The following KATNB1 variants were observed in gnomAD, a reference collection of about 807,000 sequenced individuals.
KATNB1 encodes the protein katanin p80 WD40 repeat-containing subunit B1.
A neutral mutation model predicts 82.3 loss-of-function variants in KATNB1; 38 were observed. That is an observed-to-expected ratio of 0.46 (90% CI 0.36 to 0.61). The LOEUF (loss-of-function observed/expected upper bound fraction) is 0.61, where lower values mean the gene tolerates loss of function less well. Ranked by LOEUF, KATNB1 falls within the 20% of genes least tolerant of loss-of-function variation. The pLI is 0.00. For missense variants in KATNB1, 749 were observed against 915.7 expected, an observed-to-expected ratio of 0.82 and a Z score of 2.35; for synonymous variants, 361 against 368.7, an observed-to-expected ratio of 0.98 and a Z score of 0.24.
intron 2 of KATNB1, among the ~76,000 whole-genome samples, chr16:57,738,366 G>A (rs1051883454): frequency 1.3e-5 from 2 of 151,262 alleles, no homozygotes; most frequent in African/African-American, 4.9e-5. Flanking sequence ...TGCGATTCTC[G>A]TGCCTCAGCC....
At chr16:57,743,418 G>T (rs2049157744) in intron 3 of KATNB1, among the ~76,000 whole-genome samples, 1 of 152,206 alleles carries the variant, frequency 6.6e-6, no homozygotes, top group African/African-American at 2.4e-5. Context: ...GGTGCCAGGG[G>T]TCAGTAATGA....
At chr16:57,752,433 TG>T in intron 8 of KATNB1, 96 bp from the exon 9 acceptor site, 3 of 1,139,348 alleles carry the variant, frequency 2.6e-6, no homozygotes, top group East Asian at 2.6e-5. Flanking sequence ...GGCCCTGCCC[TG>T]GGGGAGAGGT....
intron 4 of KATNB1, among the ~76,000 whole-genome samples, chr16:57,748,979 C>G (rs1341821435): frequency 8.5e-5 from 13 of 152,226 alleles, no homozygotes; most frequent in African/African-American, 3.1e-4. Context: ...CAGCCCCCAG[C>G]AGCACCTGAT....
rs541907406 is a variant in KATNB1, at chr16:57,755,879, G to A, written c.1605G>A (p.Ser535=). 5.6e-6 allele frequency: 9 copies of A among 1,596,776 alleles called. No homozygotes were observed. The East Asian group carries it at 6.8e-5, about 12-fold the overall frequency. The change falls in exon 17 of 20, where the codon TCG becomes TCA. Residue 535 remains serine (S), a synonymous_variant. Transcript: ENST00000379661. ...VDSAVAINDL[S]VVVDLLNIVN... ...CCGCTGTGGCCATCAACGACCTGTC[G>A]GTGGTGGTGGACCTCCTGAACATCG...
At chr16:57,755,628 CATCT>C (rs2049270160) in intron 16 of KATNB1, 134 bp downstream of exon 16, 8 of 1,204,584 alleles carry the variant, frequency 6.6e-6, no homozygotes, top group African/African-American at 1.5e-5. Flanking sequence ...GACGTCACAC[CATCT>C]GTTTCCGCCA....
At chr16:57,755,084 C>T in intron 14 of KATNB1, 35 bp from the exon 15 acceptor site, 8 of 1,613,062 alleles carry the variant, frequency 5.0e-6, no homozygotes, top group Non-Finnish European at 6.8e-6. Context: ...AGAGGGAGGC[C>T]CCAGGCCGGC....
At chr16:57,752,466 C>G in intron 8 of KATNB1, 64 bp from the exon 9 acceptor site, 2 of 1,447,188 alleles carry the variant, frequency 1.4e-6, no homozygotes, top group Non-Finnish European at 1.9e-6. Flanking sequence ...AGCTGGCTTC[C>G]CAGGGACATG....
intron 3 of KATNB1, among the ~76,000 whole-genome samples, chr16:57,743,752 G>A (rs1347428913): frequency 6.6e-6 from 1 of 152,230 alleles, no homozygotes; most frequent in Non-Finnish European, 1.5e-5. Flanking sequence ...TTCTGTGCAC[G>A]CTGTCCCCCT....
intron 4 of KATNB1, among the ~76,000 whole-genome samples, chr16:57,747,185 C>G (rs1225287776): frequency 2.0e-5 from 3 of 152,194 alleles, no homozygotes. Flanking sequence ...CCTGGCCTGC[C>G]TGATGCTTTT....
chr16:57,740,714 C>T (rs2049135837), intron 2 of KATNB1, among the ~76,000 whole-genome samples: 1 of 152,220 alleles, frequency 6.6e-6, no homozygotes, highest in Non-Finnish European at 1.5e-5. Context: ...TCCGAGGCTC[C>T]TGTCTGCCAT....
chr16:57,754,983 T>A lies in KATNB1; in HGVS notation c.1282T>A (p.Phe428Ile). 6.2e-7 allele frequency: 1 copy of A among 1,614,014 alleles called. No homozygotes were observed. The highest frequency in any genetic ancestry group is 8.5e-7 in the Non-Finnish European group (1 of 1,180,018). ...AKPSPAMDVQ[F>I]PVPNLEVLPR... The stretch of plus-strand genomic sequence containing the variant: ...GCCCAGCCCTGCCATGGATGTGCAG[T>A]TCCCGGTGCCAAATGTATGTCCATG... Residue 428 changes from phenylalanine (F) to isoleucine (I), a missense_variant, in exon 14 of 20, where the codon TTC becomes ATC. By Grantham distance (21) the Phe-to-Ile change is conservative. This residue lies in a region of KATNB1 where 407 missense variants were observed against 434.7 expected (regional missense o/e 0.94). Coordinates refer to ENST00000379661, the MANE Select transcript of KATNB1 (RefSeq NM_005886.3).
rs782407557 is a variant in KATNB1 at position 57,755,957 on chromosome 16, C to T, written c.1644-35C>T. On this transcript the variant is annotated intron_variant, in intron 17 of 19. Transcript: ENST00000379661. ...AGGGGGAGTGGGCGGAGGGGCAGGG[C>T]TGGGCTGATGGCAGCATGTCCTGGC... The T allele has an allele frequency of 2.5e-6, 4 of 1,611,952 alleles. No homozygotes were observed. In the East Asian group the frequency reaches 8.9e-5, roughly 36 times the overall value.
chr16:57,739,213 G>A (rs1352798338), intron 2 of KATNB1, among the ~76,000 whole-genome samples: 2 of 152,344 alleles, frequency 1.3e-5, no homozygotes, highest in South Asian at 2.1e-4. Context: ...GAGATCAGGC[G>A]TATTGGGCAT....
chr16:57,748,468 TAAAAA>T (rs66719702), intron 4 of KATNB1, among the ~76,000 whole-genome samples: 12 of 134,448 alleles, frequency 8.9e-5, no homozygotes, highest in East Asian at 2.2e-4. Context: ...TCTATTTTTT[TAAAAA>T]AAAAAAAAAA....
chr16:57,757,051 G>A lies in KATNB1; in HGVS notation c.*105G>A. On this transcript the variant is annotated 3_prime_UTR_variant, in exon 20 of 20. Transcript: ENST00000379661. ...GCCCATGAGCCTCTGCCTGGCCCCT[G>A]CTGCTGTCCTGTGGCCGTCCTGGAG... 1 of 1,301,368 alleles carries A rather than the reference G, an allele frequency of 7.7e-7. No individual in the cohort carries two copies. Among genetic ancestry groups the A allele is most frequent in the East Asian group, 2.9e-5 (1 of 35,008 alleles). 80.6% of individuals were successfully genotyped at this position (1,301,368 alleles called of 1,614,324 possible).
At chr16:57,749,427 G>A (rs2049207962) in intron 4 of KATNB1, among the ~76,000 whole-genome samples, 1 of 152,224 alleles carries the variant, frequency 6.6e-6, no homozygotes, top group Non-Finnish European at 1.5e-5. Flanking sequence ...GGGTAGAGAA[G>A]ATCATACAGT....
chr16:57,743,757 C>T (rs554388344), intron 3 of KATNB1, among the ~76,000 whole-genome samples: 3 of 152,362 alleles, frequency 2.0e-5, no homozygotes, highest in Non-Finnish European at 4.4e-5. Flanking sequence ...TGCACGCTGT[C>T]CCCCTGCAGG....
At chr16:57,742,783 A>T (rs1239486741) in intron 3 of KATNB1, among the ~76,000 whole-genome samples, 1 of 152,236 alleles carries the variant, frequency 6.6e-6, no homozygotes, top group African/African-American at 2.4e-5. Context: ...GAACATCCTC[A>T]GCCACCTAGA....
At chr16:57,754,677 C>G (rs1008600922) in intron 13 of KATNB1, among the ~76,000 whole-genome samples, 5 of 152,172 alleles carry the variant, frequency 3.3e-5, no homozygotes, top group Non-Finnish European at 5.9e-5. Context: ...AGTGAAGGGA[C>G]AGGATGGCCA....
Sources: allele counts gnomAD v4.1 joint callset (sites outside exome capture counted in the v4.1 genomes callset), GRCh38; gene constraint gnomAD v4.1.1; regional missense constraint gnomAD v4.1.1; transcripts MANE v1.5; gene names NCBI Gene and HGNC (gene_info 2026-07-23, HGNC 2026-07-21).